The following TENM3 variants were observed in gnomAD, a reference collection of about 807,000 sequenced individuals.
TENM3 encodes the protein teneurin transmembrane protein 3.
Under a neutral mutation model 255.1 loss-of-function variants are expected in TENM3, and 63 were observed. The observed-to-expected ratio is 0.25, with a 90% CI of 0.20 to 0.30. TENM3 has a LOEUF of 0.30. Among genes scored for constraint, TENM3 ranks in the 10% least tolerant of loss-of-function variants. The pLI, the probability that TENM3 is intolerant of heterozygous loss-of-function variation, is 1.00. For synonymous variants in TENM3, 1,306 were observed against 1,322.3 expected (o/e 0.99, Z 0.27); for missense variants, 2,929 against 3,461.1 (o/e 0.85, Z 3.86).
chr4:181,765,304 G>A, the TENM3 span, among the ~76,000 whole-genome samples: 2 of 152,110 alleles, frequency 1.3e-5, no homozygotes, highest in East Asian at 3.9e-4. Context: ...ACCATAAAAA[G>A]CAGGATCTGT....
At chr4:182,377,146 C>T (rs1166470443) in intron 3 of TENM3, among the ~76,000 whole-genome samples, 1 of 152,126 alleles carries the variant, frequency 6.6e-6, no homozygotes, top group Non-Finnish European at 1.5e-5. Flanking sequence ...CCTCTATTTC[C>T]CAGACAGCTT....
At chr4:181,886,019 A>G in the TENM3 span, among the ~76,000 whole-genome samples, 2 of 148,160 alleles carry the variant, frequency 1.3e-5, no homozygotes, top group Non-Finnish European at 3.0e-5. Flanking sequence ...ATTTTCTCCT[A>G]CGAGTTTTTT....
intron 3 of TENM3, among the ~76,000 whole-genome samples, chr4:182,382,118 G>A (rs935430634): frequency 4.6e-5 from 7 of 152,168 alleles, no homozygotes; most frequent in African/African-American, 1.7e-4. Flanking sequence ...ACTATCTATG[G>A]CTATGAAGAG....
At chr4:181,894,572 T>C in the TENM3 span, among the ~76,000 whole-genome samples, 2 of 152,198 alleles carry the variant, frequency 1.3e-5, no homozygotes, top group Non-Finnish European at 2.9e-5. Flanking sequence ...TTATCGTATT[T>C]ATAAAGAGAA....
At chr4:181,513,943 A>C in the TENM3 span, among the ~76,000 whole-genome samples, 6 of 152,206 alleles carry the variant, frequency 3.9e-5, no homozygotes, top group Non-Finnish European at 1.5e-5. Context: ...TAGAGAAGCA[A>C]AGCTGACTTT....
At chr4:181,824,994 T>A in the TENM3 span, among the ~76,000 whole-genome samples, 3 of 152,214 alleles carry the variant, frequency 2.0e-5, no homozygotes, top group African/African-American at 7.2e-5. Flanking sequence ...ATGGGCTACC[T>A]GTCGCATTTT....
intron 3 of TENM3, among the ~76,000 whole-genome samples, chr4:182,542,135 A>G (rs1740946867): frequency 6.6e-6 from 1 of 152,176 alleles, no homozygotes; most frequent in African/African-American, 2.4e-5. Context: ...TTTGAAGGTT[A>G]TGATACCAAA....
chr4:182,162,546 G>T (rs1311414204), intron 1 of TENM3, among the ~76,000 whole-genome samples: 1 of 152,054 alleles, frequency 6.6e-6, no homozygotes, highest in Non-Finnish European at 1.5e-5. Context: ...TTTCCAAGTT[G>T]GTATTCTGAA....
intron 1 of TENM3, among the ~76,000 whole-genome samples, chr4:182,270,331 A>T (rs917377371): frequency 6.6e-6 from 1 of 152,190 alleles, no homozygotes; most frequent in African/African-American, 2.4e-5. Context: ...AAAGAAATAT[A>T]TTTGGGGGTA....
At chr4:182,265,415 T>G (rs1759184540) in intron 1 of TENM3, among the ~76,000 whole-genome samples, 1 of 152,132 alleles carries the variant, frequency 6.6e-6, no homozygotes, top group African/African-American at 2.4e-5. Flanking sequence ...CAAAATGGGC[T>G]GATTGGCTTT....
intron 5 of TENM3, among the ~76,000 whole-genome samples, chr4:182,646,571 G>A (rs750857947): frequency 5.9e-5 from 9 of 152,080 alleles, no homozygotes; most frequent in East Asian, 3.9e-4. Context: ...ATGAAACCCC[G>A]TCTCTACTAA....
chr4:182,248,480 T>G (rs1757792467), intron 1 of TENM3, among the ~76,000 whole-genome samples: 1 of 152,182 alleles, frequency 6.6e-6, no homozygotes, highest in African/African-American at 2.4e-5. Flanking sequence ...TATTCTGATC[T>G]CTGCTGAAAA....
At chr4:182,421,329 CCAA>C (rs1345356610) in intron 3 of TENM3, among the ~76,000 whole-genome samples, 2 of 152,136 alleles carry the variant, frequency 1.3e-5, no homozygotes, top group East Asian at 3.9e-4. Context: ...TAAGGATCAT[CCAA>C]CGTCACTCAA....
intron 1 of TENM3, among the ~76,000 whole-genome samples, chr4:182,146,278 T>C (rs1561137262): frequency 6.6e-6 from 1 of 152,214 alleles, no homozygotes; most frequent in Non-Finnish European, 1.5e-5. Context: ...TCTTAATATA[T>C]AAAATTCTTG....
At chr4:182,327,853 T>C (rs1244210877) in intron 2 of TENM3, among the ~76,000 whole-genome samples, 1 of 152,242 alleles carries the variant, frequency 6.6e-6, no homozygotes, top group Admixed American at 6.5e-5. Context: ...ATGAAACAGC[T>C]GCATAGGATC....
chr4:181,899,578 GT>G, the TENM3 span, among the ~76,000 whole-genome samples: 2 of 151,376 alleles, frequency 1.3e-5, no homozygotes, highest in African/African-American at 4.8e-5. Flanking sequence ...GTTTTTTGGG[GT>G]TTTTTTTGAG....
intron 3 of TENM3, among the ~76,000 whole-genome samples, chr4:182,351,697 C>T (rs1765192266): frequency 6.6e-6 from 1 of 152,186 alleles, no homozygotes; most frequent in Admixed American, 6.5e-5. Flanking sequence ...CGAGAGCCTC[C>T]ATTGAGGACA....
the TENM3 span, among the ~76,000 whole-genome samples, chr4:182,078,905 T>C: frequency 6.6e-6 from 1 of 152,160 alleles, no homozygotes; most frequent in African/African-American, 2.4e-5. Context: ...AGAGTTTACA[T>C]ATTCAGGTGC....
the TENM3 span, among the ~76,000 whole-genome samples, chr4:181,473,656 C>G: frequency 1.3e-5 from 2 of 148,394 alleles, no homozygotes; most frequent in African/African-American, 2.4e-5. Flanking sequence ...TTTGGGTCTT[C>G]TTGCAAAGAC....
Sources: gnomAD v4.1 joint callset for allele counts (sites outside exome capture counted in the v4.1 genomes callset) on GRCh38, gnomAD v4.1.1 for gene constraint, MANE v1.5 for transcripts, NCBI Gene and HGNC (gene_info 2026-07-23, HGNC 2026-07-21) for gene names.